The following PARD3 variants were observed in gnomAD, a reference collection of about 807,000 sequenced individuals.
PARD3 encodes par-3 family cell polarity regulator, also known as partitioning defective 3 homolog.
In PARD3, 75 loss-of-function variants were observed where a neutral mutation model predicts 155.4. The ratio of observed to expected loss-of-function variants is 0.48; its 90% CI spans 0.40 to 0.58. The LOEUF (loss-of-function observed/expected upper bound fraction) is 0.58, where lower values mean the gene tolerates loss of function less well. PARD3 is among the 20% of genes least tolerant of loss of function. The pLI is 0.00. For synonymous variants in PARD3, 576 were observed against 610.5 expected (o/e 0.94, Z 0.83); for missense variants, 1,642 against 1,721.7 (o/e 0.95, Z 0.82).
At chr10:34,542,241 A>ATGTGTG (rs1554889693) in intron 2 of PARD3, among the ~76,000 whole-genome samples, 1 of 70,972 alleles carries the variant, frequency 1.4e-5, no homozygotes, top group South Asian at 4.7e-4. Flanking sequence ...GTGTGTGTGC[A>ATGTGTG]CACACACACA....
chr10:34,467,562 A>T (rs570633467), intron 4 of PARD3, among the ~76,000 whole-genome samples: 1 of 152,124 alleles, frequency 6.6e-6, no homozygotes, highest in Admixed American at 6.5e-5. Context: ...GGCCTGGGCA[A>T]CACAGCAAGA....
intron 20 of PARD3, among the ~76,000 whole-genome samples, chr10:34,289,733 T>A (rs1265024605): frequency 6.6e-6 from 1 of 152,182 alleles, no homozygotes; most frequent in Non-Finnish European, 1.5e-5. Flanking sequence ...GCTTTCTTCA[T>A]AAAGGACACA....
At chr10:34,344,563 T>A (rs1138170) in intron 15 of PARD3, 25,953 of 983,358 alleles carry the variant, frequency 0.026, 735 homozygotes, top group African/African-American at 0.13. Flanking sequence ...ATTACAGGCA[T>A]AAGCCACTGT....
At chr10:34,518,856 G>A (rs903512054) in intron 2 of PARD3, among the ~76,000 whole-genome samples, 1 of 152,100 alleles carries the variant, frequency 6.6e-6, no homozygotes, top group Non-Finnish European at 1.5e-5. Context: ...GAGTCATTTT[G>A]ACTAAAAAGC....
intron 5 of PARD3, among the ~76,000 whole-genome samples, chr10:34,415,277 A>G (rs1311353260): frequency 6.6e-6 from 1 of 152,208 alleles, no homozygotes; most frequent in African/African-American, 2.4e-5. Context: ...GTGTCACTGA[A>G]CACAGAGTTG....
intron 2 of PARD3, among the ~76,000 whole-genome samples, chr10:34,558,423 T>C (rs1260071482): frequency 6.6e-6 from 1 of 152,220 alleles, no homozygotes; most frequent in African/African-American, 2.4e-5. Context: ...CTTATCATTC[T>C]TGCTACCTCA....
At chr10:34,610,643 T>C (rs2090818073) in intron 2 of PARD3, among the ~76,000 whole-genome samples, 1 of 152,208 alleles carries the variant, frequency 6.6e-6, no homozygotes, top group Non-Finnish European at 1.5e-5. Flanking sequence ...CTAGACAGAT[T>C]AGGAGTTTCC....
At chr10:34,265,487 C>T (rs543632973) in intron 22 of PARD3, among the ~76,000 whole-genome samples, 2 of 152,242 alleles carry the variant, frequency 1.3e-5, no homozygotes, top group South Asian at 4.2e-4. Flanking sequence ...ATGCAGGCTA[C>T]ACATCAGACT....
chr10:34,800,276 C>T (rs1156588061), intron 1 of PARD3, among the ~76,000 whole-genome samples: 2 of 152,122 alleles, frequency 1.3e-5, no homozygotes, highest in African/African-American at 2.4e-5. Flanking sequence ...GGGCCTGATA[C>T]AACATGTGCC....
chr10:34,654,699 G>C (rs2093116366), intron 2 of PARD3, among the ~76,000 whole-genome samples: 2 of 152,130 alleles, frequency 1.3e-5, no homozygotes, highest in African/African-American at 4.8e-5. Flanking sequence ...CTCTAATGTG[G>C]AGCTTTCAAG....
chr10:34,293,488 T>C (rs146046192), intron 20 of PARD3, among the ~76,000 whole-genome samples: 90 of 152,258 alleles, frequency 5.9e-4, no homozygotes, highest in African/African-American at 2.1e-3. Flanking sequence ...AAACATACTA[T>C]ATATATACTT....
intron 2 of PARD3, among the ~76,000 whole-genome samples, chr10:34,609,813 G>C (rs1434994101): frequency 6.6e-6 from 1 of 152,156 alleles, no homozygotes; most frequent in Non-Finnish European, 1.5e-5. Flanking sequence ...AGTGCGCCCA[G>C]CCTCTTACTT....
chr10:34,577,467 G>A (rs543419059), intron 2 of PARD3, among the ~76,000 whole-genome samples: 1 of 152,336 alleles, frequency 6.6e-6, no homozygotes, highest in East Asian at 1.9e-4. Flanking sequence ...TGAGCTGCAT[G>A]ATGGCCCCAA....
intron 7 of PARD3, among the ~76,000 whole-genome samples, chr10:34,393,449 C>A (rs1843020762): frequency 6.6e-6 from 1 of 151,864 alleles, no homozygotes; most frequent in Non-Finnish European, 1.5e-5. Flanking sequence ...GGCATGGAGG[C>A]ACTTGCCTGT....
chr10:34,626,599 T>A (rs2091990843), intron 2 of PARD3, among the ~76,000 whole-genome samples: 1 of 152,206 alleles, frequency 6.6e-6, no homozygotes, highest in South Asian at 2.1e-4. Context: ...ATATATTATA[T>A]CTGTTATGAC....
chr10:34,696,616 T>C (rs1259884138), intron 1 of PARD3, among the ~76,000 whole-genome samples, 197 bp from the exon 2 acceptor site: 1 of 151,726 alleles, frequency 6.6e-6, no homozygotes, highest in East Asian at 1.9e-4. Flanking sequence ...GAGTGACTCA[T>C]ACACACTCTT....
chr10:34,375,745 C>T (rs1841162634), intron 10 of PARD3, among the ~76,000 whole-genome samples: 1 of 152,008 alleles, frequency 6.6e-6, no homozygotes, highest in Admixed American at 6.6e-5. Context: ...TCTTTTTAGA[C>T]AAAAAAGACA....
At chr10:34,483,268 G>C (rs1483080988) in intron 3 of PARD3, among the ~76,000 whole-genome samples, 1 of 152,134 alleles carries the variant, frequency 6.6e-6, no homozygotes, top group East Asian at 1.9e-4. Flanking sequence ...GATCACTTGA[G>C]CCCAGGAGTT....
chr10:34,212,914 A>C (rs1419691049), intron 22 of PARD3, among the ~76,000 whole-genome samples: 1 of 152,154 alleles, frequency 6.6e-6, no homozygotes, highest in Non-Finnish European at 1.5e-5. Flanking sequence ...ATTCTTCTCG[A>C]AGCCCCTTCA....
Sources: allele counts gnomAD v4.1 joint callset (sites outside exome capture counted in the v4.1 genomes callset), GRCh38; gene constraint gnomAD v4.1.1; transcripts MANE v1.5; gene names NCBI Gene and HGNC (gene_info 2026-07-23, HGNC 2026-07-21).